Variants in CTNNA2 observed in about 807,000 individuals in gnomAD.
The protein encoded by CTNNA2 is catenin alpha-2.
Under a neutral mutation model 101.0 loss-of-function variants are expected in CTNNA2, and 42 were observed. The observed-to-expected ratio is 0.42, with a 90% CI of 0.32 to 0.54. CTNNA2 has a LOEUF of 0.54. Ranked by LOEUF, CTNNA2 falls within the 20% of genes least tolerant of loss-of-function variation. CTNNA2 has a pLI of 0.14. For missense variants in CTNNA2, 871 were observed against 1,223.1 expected, an observed-to-expected ratio of 0.71 and a Z score of 4.29; for synonymous variants, 450 against 456.4, an observed-to-expected ratio of 0.99 and a Z score of 0.18.
At chr2:80,008,907 GAAC>G (rs780748486) in intron 7 of CTNNA2, among the ~76,000 whole-genome samples, 1 of 152,170 alleles carries the variant, frequency 6.6e-6, no homozygotes, top group Non-Finnish European at 1.5e-5. Flanking sequence ...CTTTTGTGCA[GAAC>G]AAGATGTTAG....
At chr2:79,496,998 T>C (rs1010057630) in intron 4 of CTNNA2, among the ~76,000 whole-genome samples, 6 of 152,206 alleles carry the variant, frequency 3.9e-5, no homozygotes, top group African/African-American at 1.4e-4. Flanking sequence ...AGCATACAGA[T>C]ACTTTTTTGT....
At chr2:79,504,172 T>C (rs1259474419) in intron 4 of CTNNA2, among the ~76,000 whole-genome samples, 1 of 152,220 alleles carries the variant, frequency 6.6e-6, no homozygotes, top group East Asian at 1.9e-4. Flanking sequence ...GTTATTCTAA[T>C]GTGAGTACTA....
intron 6 of CTNNA2, among the ~76,000 whole-genome samples, chr2:79,901,314 C>T (rs1341753381): frequency 6.6e-6 from 1 of 151,444 alleles, no homozygotes; most frequent in Admixed American, 6.6e-5. Context: ...AATAGTCATG[C>T]TGGACAGCAG....
chr2:79,378,904 G>A lies in CTNNA2; in HGVS notation c.-135+4891G>A, dbSNP rs147219013. Among the ~76,000 whole-genome samples, 540 of 152,058 alleles carry A rather than the reference G, an allele frequency of 3.6e-3. 2 individuals are homozygous for A. The highest frequency in any genetic ancestry group is 0.012 in the African/African-American group (517 of 41,470). ...CACTGACCTGAAGGATACTTCTTTG[G>A]GTCATGGGGAGGTCTGATAAAGCAT... On this transcript the variant is annotated intron_variant, in intron 4 of 21. Transcript: ENST00000466387.
At chr2:79,778,705 T>G (rs1469429589) in intron 3 of CTNNA2, among the ~76,000 whole-genome samples, 2 of 152,242 alleles carry the variant, frequency 1.3e-5, no homozygotes. Context: ...ATATATGGAA[T>G]TAGATTACAT....
intron 2 of CTNNA2, among the ~76,000 whole-genome samples, chr2:79,701,909 C>A (rs142429288): frequency 1.1e-3 from 165 of 146,794 alleles, no homozygotes; most frequent in African/African-American, 3.8e-3. Context: ...GGCTAAGGCA[C>A]GAGCATTTCT....
At chr2:80,398,560 A>G (rs77900034) in intron 8 of CTNNA2, among the ~76,000 whole-genome samples, 5 of 152,120 alleles carry the variant, frequency 3.3e-5, no homozygotes, top group Non-Finnish European at 7.4e-5. Flanking sequence ...AGCTAAATAG[A>G]AATGGGATCA....
At chr2:80,349,691 T>A (rs1391737358) in intron 7 of CTNNA2, among the ~76,000 whole-genome samples, 1 of 152,112 alleles carries the variant, frequency 6.6e-6, no homozygotes, top group African/African-American at 2.4e-5. Flanking sequence ...TTTTAATGAA[T>A]GAATTAATTA....
chr2:79,851,700 CCT>C (rs1491160325), intron 3 of CTNNA2, among the ~76,000 whole-genome samples: 1 of 26,306 alleles, frequency 3.8e-5, no homozygotes, highest in East Asian at 2.7e-3. Context: ...TTTTTCTCAT[CCT>C]TTTTTTTCTT....
chr2:79,976,151 T>C (rs1233402941), intron 7 of CTNNA2, among the ~76,000 whole-genome samples: 1 of 152,198 alleles, frequency 6.6e-6, no homozygotes, highest in East Asian at 1.9e-4. Context: ...ATCAAATATG[T>C]ATTTCACATT....
chr2:79,191,889 A>T (rs1413644815), intron 1 of CTNNA2, among the ~76,000 whole-genome samples: 1 of 152,154 alleles, frequency 6.6e-6, no homozygotes. Flanking sequence ...GTATATGTGA[A>T]AATGTGAAAT....
At chr2:79,912,540 G>A (rs77209009) in intron 7 of CTNNA2, among the ~76,000 whole-genome samples, 1,618 of 152,372 alleles carry the variant, frequency 0.011, 14 homozygotes, top group Non-Finnish European at 0.015. Context: ...TGGGTGAACA[G>A]AGGCATGGGG....
chr2:79,604,492 T>C (rs923809293), intron 1 of CTNNA2, among the ~76,000 whole-genome samples: 2 of 152,090 alleles, frequency 1.3e-5, no homozygotes, highest in South Asian at 2.1e-4. Flanking sequence ...TGAGTTGCAA[T>C]TGGGAGAATC....
At chr2:79,435,866 C>T (rs184717716) in intron 4 of CTNNA2, among the ~76,000 whole-genome samples, 5 of 152,248 alleles carry the variant, frequency 3.3e-5, no homozygotes, top group African/African-American at 9.6e-5. Context: ...CACTAATGCT[C>T]ATTTCATGAT....
At chr2:79,371,242 C>T (rs1041368229) in intron 3 of CTNNA2, among the ~76,000 whole-genome samples, 9 of 151,846 alleles carry the variant, frequency 5.9e-5, no homozygotes, top group African/African-American at 1.2e-4. Context: ...ATAAAAGATG[C>T]GATGGAAGGA....
intron 7 of CTNNA2, among the ~76,000 whole-genome samples, chr2:80,241,296 A>G (rs897422825): frequency 1.3e-5 from 2 of 149,460 alleles, no homozygotes; most frequent in African/African-American, 2.6e-5. Context: ...ATTGAGACAT[A>G]TAGGTTAAAC....
chr2:79,613,291 G>T (rs1678407291), intron 1 of CTNNA2, among the ~76,000 whole-genome samples: 1 of 151,056 alleles, frequency 6.6e-6, no homozygotes, highest in South Asian at 2.1e-4. Context: ...GGATACGTTT[G>T]TTACCATGCT....
At chr2:79,269,038 C>T (rs777373698) in intron 2 of CTNNA2, among the ~76,000 whole-genome samples, 1 of 152,004 alleles carries the variant, frequency 6.6e-6, no homozygotes, top group Non-Finnish European at 1.5e-5. Flanking sequence ...TCAGAGGGGC[C>T]AGATCGTTAC....
intron 7 of CTNNA2, among the ~76,000 whole-genome samples, chr2:80,100,826 T>C (rs1255445759): frequency 1.3e-5 from 2 of 152,236 alleles, no homozygotes; most frequent in African/African-American, 2.4e-5. Context: ...CTTCTGAGCA[T>C]ACATCTTCCA....
Sources: gnomAD v4.1 joint callset for allele counts (sites outside exome capture counted in the v4.1 genomes callset) on GRCh38, gnomAD v4.1.1 for gene constraint, MANE v1.5 for transcripts, NCBI Gene and HGNC (gene_info 2026-07-23, HGNC 2026-07-21) for gene names.